Variants in TMEM232 observed in about 807,000 individuals in gnomAD.
TMEM232 encodes transmembrane protein 232.
A neutral mutation model predicts 78.8 loss-of-function variants in TMEM232; 80 were observed. The ratio of observed to expected loss-of-function variants is 1.01; its 90% CI spans 0.85 to 1.22. The LOEUF is 1.22. TMEM232 is among the 50% of genes most tolerant of loss of function. TMEM232 has a pLI of 0.00. For synonymous variants in TMEM232, 297 were observed against 254.3 expected, an observed-to-expected ratio of 1.17 and a Z score of -1.60; for missense variants, 881 against 742.2, an observed-to-expected ratio of 1.19 and a Z score of -2.17.
chr5:110,441,389 T>C (rs1759025763), intron 12 of TMEM232, among the ~76,000 whole-genome samples: 1 of 152,160 alleles, frequency 6.6e-6, no homozygotes, highest in South Asian at 2.1e-4. Context: ...TGTTATATGA[T>C]TGCTAATGTT....
rs1182968301 is a variant in TMEM232, at chr5:110,587,685, ATATATATGTGTG to A, written c.1276+17412_1276+17423del. ...TATGTATATATATATATATATATAT[ATATATATGTGTG>A]TGTGTGTGTGTGTGTGTGTGTGTGT... On this transcript the variant is annotated intron_variant, in intron 10 of 13. Transcript: ENST00000455884. Among the ~76,000 whole-genome samples the A allele has an allele frequency of 3.5e-3, 317 of 90,554 alleles. 1 individual carries two copies. Among genetic ancestry groups the A allele is most frequent in the African/African-American group, 0.01 (181 of 17,864 alleles). 59.4% of individuals were successfully genotyped at this position (90,554 alleles called of 152,430 possible).
At position 110,680,920 on chromosome 5, in the gene TMEM232, G is replaced by C. The variant is rs375570274; in HGVS notation, c.-12-13556C>G. ...AGAGAGGAAAATGGGGTATGGGTAG[G>C]GGTAGAGAAGAATCTGCAAAGAGAA... On this transcript the variant is annotated intron_variant, in intron 1 of 13. Transcript: ENST00000455884. Among the ~76,000 whole-genome samples, 4 of 152,136 alleles carry C rather than the reference G, an allele frequency of 2.6e-5. No individual in the cohort carries two copies. In the East Asian group the frequency reaches 7.7e-4, roughly 29 times the overall value.
intron 11 of TMEM232, 131 bp downstream of exon 11, chr5:110,568,316 A>C (rs1337140646): frequency 8.5e-6 from 8 of 937,688 alleles, no homozygotes; most frequent in Non-Finnish European, 6.1e-6. Context: ...GTTAAGTTTT[A>C]AAAATATTAT....
At chr5:110,480,347 T>G (rs770359970) in intron 12 of TMEM232, among the ~76,000 whole-genome samples, 4 of 152,032 alleles carry the variant, frequency 2.6e-5, no homozygotes, top group Non-Finnish European at 4.4e-5. Flanking sequence ...TATGCAAATG[T>G]CAGTCTTTTG....
intron 8 of TMEM232, among the ~76,000 whole-genome samples, chr5:110,610,220 G>GAGGAAGGA (rs1561380784): frequency 8.6e-6 from 1 of 116,864 alleles, no homozygotes; most frequent in Non-Finnish European, 1.7e-5. Context: ...GGAAGGAAGG[G>GAGGAAGGA]AGGGAGGGAA....
At chr5:110,387,976 C>G (rs1199233690) in exon 5 of TMEM232, 3 of 153,310 alleles carry the variant, frequency 2.0e-5, no homozygotes, top group African/African-American at 7.2e-5. Context: ...GGGGTAAATA[C>G]CCAGGGCTCA....
rs1776979597 is a variant in TMEM232 at position 110,571,856 on chromosome 5, G to A, written c.1277-3231C>T. Among the ~76,000 whole-genome samples, 3 of 151,846 alleles carry A rather than the reference G, an allele frequency of 2.0e-5. No individual in the cohort carries two copies. The South Asian group carries it at 6.2e-4, about 32-fold the overall frequency. ...TACCAAAGCTAGCTAAAGATAAAGGGGATCAGATTAAATCGTAGATGTTTG... is the reference window on the plus strand; with the variant it reads ...TACCAAAGCTAGCTAAAGATAAAGGAGATCAGATTAAATCGTAGATGTTTG... On this transcript the variant is annotated intron_variant, in intron 10 of 13. Transcript: ENST00000455884.
In TMEM232 at chr5:110,645,917, A is replaced by G. The variant is rs1313980302; in HGVS notation, c.126-3546T>C. Among the ~76,000 whole-genome samples, 3 of 151,718 alleles carry G rather than the reference A, an allele frequency of 2.0e-5. No individual in the cohort carries two copies. The East Asian group carries it at 5.8e-4, about 29-fold the overall frequency. On this transcript the variant is annotated intron_variant, in intron 2 of 13. Coordinates refer to ENST00000455884, the MANE Select transcript of TMEM232 (RefSeq NM_001039763.4). ...ATCAGTAACATTTCTATATATAAAC[A>G]ATGAACTATCCAAAATAGGAAATGG...
chr5:110,410,280 ATTAGC>A (rs1755943276), intron 2 of TMEM232, among the ~76,000 whole-genome samples: 1 of 152,180 alleles, frequency 6.6e-6, no homozygotes, highest in African/African-American at 2.4e-5. Context: ...ACAGTTTATT[ATTAGC>A]TTAATGTATG....
At chr5:110,509,385 T>C (rs1767429233) in intron 12 of TMEM232, among the ~76,000 whole-genome samples, 1 of 152,080 alleles carries the variant, frequency 6.6e-6, no homozygotes, top group Admixed American at 6.6e-5. Flanking sequence ...TGCTGAGTTA[T>C]GTTTGTGCCA....
At chr5:110,468,475 C>T (rs1042392927) in intron 12 of TMEM232, among the ~76,000 whole-genome samples, 2 of 151,688 alleles carry the variant, frequency 1.3e-5, no homozygotes, top group Non-Finnish European at 2.9e-5. Flanking sequence ...AAAAGCTTGC[C>T]TTAAATAAAT....
At chr5:110,422,975 C>G (rs1756834435) in intron 13 of TMEM232, among the ~76,000 whole-genome samples, 1 of 152,142 alleles carries the variant, frequency 6.6e-6, no homozygotes, top group Admixed American at 6.5e-5. Flanking sequence ...CTCAGTGATT[C>G]AATGATCATG....
chr5:110,710,138 C>G (rs1796320381), intron 1 of TMEM232, among the ~76,000 whole-genome samples: 2 of 152,026 alleles, frequency 1.3e-5, no homozygotes, highest in African/African-American at 4.8e-5. Flanking sequence ...AGGAGCAACT[C>G]TACGCCAAAA....
chr5:110,564,181 T>C (rs1282437839), intron 11 of TMEM232, among the ~76,000 whole-genome samples: 1 of 151,948 alleles, frequency 6.6e-6, no homozygotes, highest in African/African-American at 2.4e-5. Context: ...ATTAGGATAA[T>C]TGCTCCTGTG....
intron 12 of TMEM232, among the ~76,000 whole-genome samples, chr5:110,503,150 A>G (rs1225327265): frequency 6.6e-6 from 1 of 152,152 alleles, no homozygotes; most frequent in Admixed American, 6.6e-5. Context: ...AACAGAAGCC[A>G]CTCTGACAGC....
intron 10 of TMEM232, among the ~76,000 whole-genome samples, chr5:110,589,340 G>C (rs955132574): frequency 2.0e-5 from 3 of 152,070 alleles, no homozygotes; most frequent in African/African-American, 4.8e-5. Context: ...CAAAGTTCTA[G>C]AAAACGCCCA....
chr5:110,579,415 T>C (rs1777922770), intron 10 of TMEM232, among the ~76,000 whole-genome samples: 2 of 151,582 alleles, frequency 1.3e-5, no homozygotes. Context: ...AATATAAAAC[T>C]CATTGGTAAA....
At chr5:110,543,865 G>C (rs1581157081) in intron 11 of TMEM232, among the ~76,000 whole-genome samples, 1 of 152,216 alleles carries the variant, frequency 6.6e-6, no homozygotes, top group Non-Finnish European at 1.5e-5. Context: ...TATACTTCTA[G>C]AGTCGTCTTC....
At chr5:110,591,500 T>C (rs569058578) in intron 10 of TMEM232, among the ~76,000 whole-genome samples, 1 of 152,280 alleles carries the variant, frequency 6.6e-6, no homozygotes, top group Non-Finnish European at 1.5e-5. Context: ...TCACCTATAG[T>C]TTCTCACTAT....
Sources: gnomAD v4.1 joint callset for allele counts (sites outside exome capture counted in the v4.1 genomes callset) on GRCh38, gnomAD v4.1.1 for gene constraint, MANE v1.5 for transcripts, NCBI Gene and HGNC (gene_info 2026-07-23, HGNC 2026-07-21) for gene names.